The following SUPT3H variants were observed in gnomAD, a reference collection of about 807,000 sequenced individuals.
SUPT3H encodes SPT3 homolog, SAGA and STAGA complex component.
A neutral mutation model predicts 44.3 loss-of-function variants in SUPT3H; 44 were observed. The observed-to-expected ratio is 0.99, with a 90% CI of 0.78 to 1.28. SUPT3H has a LOEUF of 1.28. SUPT3H is among the 50% of genes most tolerant of loss of function. SUPT3H has a pLI of 0.00. For missense variants in SUPT3H, 380 were observed against 387.1 expected (o/e 0.98, Z 0.15); for synonymous variants, 124 against 125.6 (o/e 0.99, Z 0.09).
At chr6:45,315,168 C>G (rs1584874440) in intron 2 of SUPT3H, among the ~76,000 whole-genome samples, 1 of 152,050 alleles carries the variant, frequency 6.6e-6, no homozygotes, top group East Asian at 1.9e-4. Flanking sequence ...AATCTAAGAC[C>G]TGAAACTAAA....
intron 10 of SUPT3H, among the ~76,000 whole-genome samples, chr6:44,859,933 G>C (rs1774352923): frequency 6.6e-6 from 1 of 152,128 alleles, no homozygotes; most frequent in Non-Finnish European, 1.5e-5. Flanking sequence ...AGCACATTGA[G>C]GAAGGGCTTC....
intron 2 of SUPT3H, among the ~76,000 whole-genome samples, chr6:45,301,139 T>A (rs986698283): frequency 1.3e-5 from 2 of 152,080 alleles, no homozygotes; most frequent in Admixed American, 1.3e-4. Flanking sequence ...TAGTGAGAAC[T>A]GAGAGCTGTA....
At chr6:45,049,752 C>A (rs750707255) in intron 3 of SUPT3H, among the ~76,000 whole-genome samples, 5 of 152,126 alleles carry the variant, frequency 3.3e-5, no homozygotes, top group African/African-American at 1.2e-4. Context: ...ACTATATTTA[C>A]CTCCTGATGG....
intron 3 of SUPT3H, among the ~76,000 whole-genome samples, chr6:45,071,193 A>G (rs1398742119): frequency 6.6e-6 from 1 of 152,108 alleles, no homozygotes; most frequent in Non-Finnish European, 1.5e-5. Context: ...ATATATGAAC[A>G]ATGAAAGCAT....
intron 2 of SUPT3H, among the ~76,000 whole-genome samples, chr6:45,129,321 G>C (rs1176937485): frequency 6.6e-6 from 1 of 152,160 alleles, no homozygotes; most frequent in Non-Finnish European, 1.5e-5. Context: ...ATCTTTGGTG[G>C]ATAAAGAAGT....
chr6:45,173,796 T>C (rs1335277081), intron 2 of SUPT3H, among the ~76,000 whole-genome samples: 1 of 152,202 alleles, frequency 6.6e-6, no homozygotes, highest in Non-Finnish European at 1.5e-5. Flanking sequence ...GTCATGCCAA[T>C]AGCAAAATTG....
At chr6:45,189,335 T>G (rs1399184948) in intron 2 of SUPT3H, among the ~76,000 whole-genome samples, 1 of 152,192 alleles carries the variant, frequency 6.6e-6, no homozygotes, top group Non-Finnish European at 1.5e-5. Flanking sequence ...AAACAAAACC[T>G]TTAAGATAGT....
chr6:45,321,755 T>C, intron 2 of SUPT3H: 1 of 1,383,644 alleles, frequency 7.2e-7, no homozygotes, highest in Non-Finnish European at 1.0e-6. Flanking sequence ...ATAAACTTGT[T>C]CTCTTGAAAA....
chr6:44,934,544 G>C (rs1004009023), intron 9 of SUPT3H, among the ~76,000 whole-genome samples: 3 of 152,190 alleles, frequency 2.0e-5, no homozygotes, highest in Non-Finnish European at 4.4e-5. Context: ...AAATTTGTAC[G>C]TTGAAATCCA....
intron 3 of SUPT3H, among the ~76,000 whole-genome samples, chr6:45,038,212 G>C (rs1185054762): frequency 6.6e-6 from 1 of 152,116 alleles, no homozygotes; most frequent in African/African-American, 2.4e-5. Flanking sequence ...GCTATGAATA[G>C]TCTCAAATTT....
At chr6:45,065,839 G>C (rs1793197348) in intron 3 of SUPT3H, among the ~76,000 whole-genome samples, 1 of 149,592 alleles carries the variant, frequency 6.7e-6, no homozygotes, top group South Asian at 2.2e-4. Flanking sequence ...ACCAAAAAGA[G>C]TCCAGGACCA....
At chr6:45,204,448 GA>G (rs1324715822) in intron 2 of SUPT3H, among the ~76,000 whole-genome samples, 3 of 152,034 alleles carry the variant, frequency 2.0e-5, no homozygotes, top group Non-Finnish European at 4.4e-5. Context: ...CTGGATCTAC[GA>G]GGAACACTTA....
intron 1 of SUPT3H, among the ~76,000 whole-genome samples, chr6:45,374,082 A>C (rs962948314): frequency 6.6e-6 from 1 of 152,232 alleles, no homozygotes; most frequent in Non-Finnish European, 1.5e-5. Context: ...CAGTCCTATG[A>C]GAAAGCGGGA....
At chr6:45,002,807 C>A (rs1782180569) in intron 6 of SUPT3H, among the ~76,000 whole-genome samples, 1 of 152,020 alleles carries the variant, frequency 6.6e-6, no homozygotes, top group African/African-American at 2.4e-5. Flanking sequence ...ACTGGACCTC[C>A]TCCAAAGTTT....
intron 2 of SUPT3H, among the ~76,000 whole-genome samples, chr6:45,161,561 T>C (rs1420713973): frequency 1.3e-5 from 2 of 152,138 alleles, no homozygotes; most frequent in African/African-American, 4.8e-5. Context: ...AAAAGCACTT[T>C]TGGAAGTACC....
chr6:45,181,269 G>T (rs1434172222), intron 2 of SUPT3H, among the ~76,000 whole-genome samples: 5 of 140,284 alleles, frequency 3.6e-5, no homozygotes, highest in Non-Finnish European at 6.2e-5. Context: ...CTGTTGGTGG[G>T]ACTGTAAACT....
chr6:44,842,221 T>C (rs1336548365), intron 10 of SUPT3H, among the ~76,000 whole-genome samples: 1 of 152,152 alleles, frequency 6.6e-6, no homozygotes, highest in African/African-American at 2.4e-5. Flanking sequence ...TCTGTGTATA[T>C]TCTCTGTGAA....
intron 2 of SUPT3H, among the ~76,000 whole-genome samples, chr6:45,261,056 AT>A (rs953138100): frequency 2.6e-5 from 4 of 152,020 alleles, no homozygotes; most frequent in Non-Finnish European, 2.9e-5. Context: ...TTTTAAAATA[AT>A]TTTTTTAAAA....
chr6:45,248,928 A>AG (rs397707508), intron 2 of SUPT3H, among the ~76,000 whole-genome samples: 1 of 151,718 alleles, frequency 6.6e-6, no homozygotes, highest in African/African-American at 2.4e-5. Context: ...AAAAAAAAAA[A>AG]GAACTCTCAT....
Sources: allele counts gnomAD v4.1 joint callset (sites outside exome capture counted in the v4.1 genomes callset), GRCh38; gene constraint gnomAD v4.1.1; transcripts MANE v1.5; gene names NCBI Gene and HGNC (gene_info 2026-07-23, HGNC 2026-07-21).